SLC4A4: variants seen among roughly 807,000 people sequenced by gnomAD.
SLC4A4 encodes solute carrier family 4 member 4.
A neutral mutation model predicts 111.5 loss-of-function variants in SLC4A4; 27 were observed. That is an observed-to-expected ratio of 0.24 (90% confidence interval 0.18 to 0.33). The LOEUF is 0.33. Ranked by LOEUF, SLC4A4 falls within the 10% of genes least tolerant of loss-of-function variation. The probability of loss-of-function intolerance (pLI) is 1.00; values close to 1 mark genes in which losing one functional copy is unlikely to be tolerated. For synonymous variants in SLC4A4, 443 were observed against 463.4 expected, an observed-to-expected ratio of 0.96 and a Z score of 0.57; for missense variants, 909 against 1,315.5, an observed-to-expected ratio of 0.69 and a Z score of 4.78.
At chr4:71,108,801 G>A (rs1221900752) in intron 2 of SLC4A4, among the ~76,000 whole-genome samples, 1 of 151,778 alleles carries the variant, frequency 6.6e-6, no homozygotes, top group Admixed American at 6.6e-5. Context: ...CAGTTATTTT[G>A]CCTTTCAACT....
chr4:71,424,996 T>A (rs1054888317), intron 7 of SLC4A4, among the ~76,000 whole-genome samples: 33 of 150,938 alleles, frequency 2.2e-4, no homozygotes, highest in Non-Finnish European at 3.0e-5. Context: ...ATAATAATAA[T>A]AAAAAAAAAG....
chr4:71,462,458 G>C (rs1467006188), intron 12 of SLC4A4, among the ~76,000 whole-genome samples: 5 of 148,978 alleles, frequency 3.4e-5, no homozygotes, highest in Non-Finnish European at 7.4e-5. Flanking sequence ...GCCTAGGCTG[G>C]AGTGGAGTGG....
intron 6 of SLC4A4, among the ~76,000 whole-genome samples, chr4:71,385,356 A>G (rs904749701): frequency 2.0e-5 from 3 of 150,576 alleles, no homozygotes; most frequent in African/African-American, 7.3e-5. Context: ...GCACCATCCG[A>G]CCCGGCTAAT....
chr4:71,378,911 CT>C (rs1485007568), intron 6 of SLC4A4, among the ~76,000 whole-genome samples: 7 of 152,166 alleles, frequency 4.6e-5, no homozygotes, highest in Admixed American at 3.9e-4. Flanking sequence ...CAAAAAGTCC[CT>C]GTCATCTTAG....
At chr4:71,444,290 T>C in intron 8 of SLC4A4, among the ~76,000 whole-genome samples, 1 of 152,300 alleles carries the variant, frequency 6.6e-6, no homozygotes, top group East Asian at 1.9e-4. Context: ...CATCCTTTTG[T>C]TGTGGAGAAT....
At chr4:71,146,331 G>T (rs1474860383) in intron 2 of SLC4A4, among the ~76,000 whole-genome samples, 1 of 152,114 alleles carries the variant, frequency 6.6e-6, no homozygotes, top group South Asian at 2.1e-4. Context: ...TATAATTTCT[G>T]TTCTTTTACA....
intron 2 of SLC4A4, among the ~76,000 whole-genome samples, chr4:71,103,723 C>G (rs1012419051): frequency 6.6e-6 from 1 of 151,966 alleles, no homozygotes; most frequent in African/African-American, 2.4e-5. Context: ...TTGAAACCAA[C>G]GAGAACAAAG....
At chr4:71,243,639 T>C (rs2149046100) in intron 2 of SLC4A4, among the ~76,000 whole-genome samples, 1 of 152,282 alleles carries the variant, frequency 6.6e-6, no homozygotes, top group South Asian at 2.1e-4. Flanking sequence ...GATCTGCTGA[T>C]TGCCAGGTGG....
intron 2 of SLC4A4, among the ~76,000 whole-genome samples, chr4:71,143,499 T>C (rs1283023947): frequency 6.6e-6 from 1 of 152,148 alleles, no homozygotes; most frequent in South Asian, 2.1e-4. Flanking sequence ...GTATTTCTAA[T>C]TCTAGATCCC....
intron 1 of SLC4A4, among the ~76,000 whole-genome samples, chr4:71,079,669 G>A (rs1017246955): frequency 1.3e-5 from 2 of 152,008 alleles, no homozygotes; most frequent in Non-Finnish European, 2.9e-5. Flanking sequence ...CCAGCTACTC[G>A]GGAGGCTGTG....
At chr4:71,273,049 T>C (rs1722806240) in intron 3 of SLC4A4, among the ~76,000 whole-genome samples, 1 of 152,182 alleles carries the variant, frequency 6.6e-6, no homozygotes, top group African/African-American at 2.4e-5. Context: ...ATCACTACAA[T>C]AAGAATAGGT....
intron 2 of SLC4A4, among the ~76,000 whole-genome samples, chr4:71,254,647 T>C (rs1224291135): frequency 6.7e-6 from 1 of 149,758 alleles, no homozygotes; most frequent in East Asian, 1.9e-4. Flanking sequence ...TTTTGCTGAT[T>C]AGGTAAAAAA....
At chr4:71,107,229 A>T (rs1578486316) in intron 2 of SLC4A4, among the ~76,000 whole-genome samples, 1 of 152,262 alleles carries the variant, frequency 6.6e-6, no homozygotes, top group East Asian at 1.9e-4. Context: ...TTATATTTTA[A>T]GGAATTATTA....
chr4:71,461,960 G>T (rs1726871597), intron 12 of SLC4A4, among the ~76,000 whole-genome samples: 1 of 152,092 alleles, frequency 6.6e-6, no homozygotes, highest in Non-Finnish European at 1.5e-5. Flanking sequence ...AGACTTTTCT[G>T]TTGATTTAAA....
At chr4:71,398,376 T>C (rs1579008769) in intron 7 of SLC4A4, among the ~76,000 whole-genome samples, 2 of 152,232 alleles carry the variant, frequency 1.3e-5, no homozygotes, top group Non-Finnish European at 1.5e-5. Flanking sequence ...ACAGCTAAGT[T>C]CTCACTAGCT....
intron 2 of SLC4A4, among the ~76,000 whole-genome samples, chr4:71,127,145 T>C (rs1386572207): frequency 6.6e-6 from 1 of 152,174 alleles, no homozygotes; most frequent in Non-Finnish European, 1.5e-5. Context: ...TGAAGGGAAG[T>C]GTAAGGAAGA....
intron 2 of SLC4A4, among the ~76,000 whole-genome samples, chr4:71,254,843 C>A (rs1015627926): frequency 2.0e-5 from 3 of 152,060 alleles, no homozygotes; most frequent in African/African-American, 7.2e-5. Flanking sequence ...TAAGTCTCTC[C>A]TTCTAGAAAT....
chr4:71,498,765 T>C (rs1356957225), intron 16 of SLC4A4, among the ~76,000 whole-genome samples: 1 of 152,152 alleles, frequency 6.6e-6, no homozygotes, highest in East Asian at 1.9e-4. Context: ...CTGCTTAACA[T>C]GGGCATTACA....
At chr4:71,090,157 C>T (rs1042051410) in intron 1 of SLC4A4, among the ~76,000 whole-genome samples, 1 of 152,058 alleles carries the variant, frequency 6.6e-6, no homozygotes, top group Non-Finnish European at 1.5e-5. Context: ...GCTGTGCTAG[C>T]AATGAGCGAG....
Sources: gnomAD v4.1 joint callset for allele counts (sites outside exome capture counted in the v4.1 genomes callset) on GRCh38, gnomAD v4.1.1 for gene constraint, MANE v1.5 for transcripts, NCBI Gene and HGNC (gene_info 2026-07-23, HGNC 2026-07-21) for gene names.